SNX25: variants seen among roughly 807,000 people sequenced by gnomAD.
The protein encoded by SNX25 is sorting nexin 25, also known as sorting nexin-25.
A neutral mutation model predicts 113.7 loss-of-function variants in SNX25; 62 were observed. The ratio of observed to expected loss-of-function variants is 0.55; its 90% CI spans 0.44 to 0.67. The LOEUF is 0.67. Among genes scored for constraint, SNX25 ranks in the 30% least tolerant of loss-of-function variants. The pLI, the probability that SNX25 is intolerant of heterozygous loss-of-function variation, is 0.00. For missense variants in SNX25, 1,014 were observed against 1,161.0 expected (o/e 0.87, Z 1.84); for synonymous variants, 421 against 436.2 (o/e 0.97, Z 0.43).
At chr4:185,343,300 A>G (rs536996141) in intron 12 of SNX25, among the ~76,000 whole-genome samples, 1 of 152,358 alleles carries the variant, frequency 6.6e-6, no homozygotes, top group South Asian at 2.1e-4. Flanking sequence ...GAATATATGT[A>G]TATAAAGCAT....
rs1737450091 is a variant in SNX25, at chr4:185,209,782, C to T, written c.-45C>T. 1.0e-5 allele frequency: 10 copies of T among 983,564 alleles called. No individual in the cohort carries two copies. The highest frequency in any genetic ancestry group is 3.5e-5 in the African/African-American group (2 of 56,990). 60.9% of individuals were successfully genotyped at this position (983,564 alleles called of 1,614,324 possible). On this transcript the variant is annotated 5_prime_UTR_variant, in exon 1 of 19. Coordinates refer to ENST00000652585, the MANE Select transcript of SNX25 (RefSeq NM_001378034.2). This position sits in a 1 kb window ranked among gnomAD's most constrained non-coding sequence, Gnocchi z 5.2. ...TGCCTCCGGAGCGCCGGCGGGGGAC[C>T]GGGGGGCAGGAGATGTGCCTGTCCT...
Position 185,310,741 on chromosome 4 carries a change from A to C in SNX25, c.1269A>C (p.Arg423=). ...VAKKQCEKRI[R]ILGGPAYDQQ... is the part of the protein sequence containing the mutation. The stretch of plus-strand genomic sequence containing the variant: ...AGAAGCAGTGTGAGAAGAGAATCCG[A>C]ATCCTGGGAGGCCCTGCCTATGACC... The change falls in exon 7 of 19, where the codon CGA becomes CGC. Residue 423 remains arginine (R), a synonymous_variant. Transcript: ENST00000652585. The C allele has an allele frequency of 6.2e-7, 1 of 1,614,044 alleles. No homozygotes were observed. The highest frequency in any genetic ancestry group is 8.5e-7 in the Non-Finnish European group (1 of 1,179,950).
downstream of SNX25, among the ~76,000 whole-genome samples, chr4:185,374,954 T>C (rs1579983772): frequency 1.3e-5 from 2 of 152,140 alleles, no homozygotes; most frequent in Non-Finnish European, 2.9e-5. Context: ...ACAAATCTTA[T>C]GCACTAATAC....
At chr4:185,357,222 C>G (rs1347267550) in intron 15 of SNX25, among the ~76,000 whole-genome samples, 2 of 152,196 alleles carry the variant, frequency 1.3e-5, no homozygotes, top group East Asian at 3.8e-4. Flanking sequence ...CCGCTTCAAA[C>G]AGGAACAGTT....
chr4:185,245,230 C>T (rs765138261), intron 1 of SNX25, among the ~76,000 whole-genome samples: 15 of 132,614 alleles, frequency 1.1e-4, no homozygotes, highest in South Asian at 5.4e-4. Context: ...CTTTTGATTA[C>T]GGTGATATGT....
chr4:185,227,215 G>A (rs1262853926), intron 1 of SNX25, among the ~76,000 whole-genome samples: 3 of 152,244 alleles, frequency 2.0e-5, no homozygotes, highest in Admixed American at 6.5e-5. Context: ...TTTGTTACCC[G>A]TTGTTGGCAT....
In SNX25 at chr4:185,209,966, C is replaced by T. The variant is rs1401159385; in HGVS notation, c.140C>T (p.Ala47Val). The T allele has an allele frequency of 2.4e-5, 24 of 983,406 alleles. No homozygotes were observed. Among genetic ancestry groups the T allele is most frequent in the Non-Finnish European group, 2.7e-5 (22 of 829,140 alleles). 60.9% of individuals were successfully genotyped at this position (983,406 alleles called of 1,614,324 possible). A position where few individuals can be genotyped will look rare whatever the true frequency, so the allele number is the denominator to read the frequency against. ...GGGGACGCGGAGGCAGCAGCAGCGG[C>T]GGCGCCGGGGGCCCCGGGCGGCCGG... Reference protein sequence around the residue: ...SPGDAEAAAAAAPGAPGGRSW... With the variant: ...SPGDAEAAAAVAPGAPGGRSW... The change falls in exon 1 of 19, where the codon GCG becomes GTG. Residue 47 changes from alanine (A) to valine (V), a missense_variant. By Grantham distance (64) the Ala-to-Val change is moderately conservative. Transcript: ENST00000652585. This position sits in a 1 kb window ranked among gnomAD's most constrained non-coding sequence, Gnocchi z 5.2.
At chr4:185,332,477 T>C (rs1228247081) in intron 9 of SNX25, 118 bp from the exon 10 acceptor site, 15 of 974,136 alleles carry the variant, frequency 1.5e-5, no homozygotes, top group Non-Finnish European at 1.9e-5. Context: ...CTAAATTTTC[T>C]ACTTTAGTAT....
intron 13 of SNX25, 141 bp from the exon 14 acceptor site, chr4:185,351,304 G>T: frequency 1.3e-6 from 1 of 798,720 alleles, no homozygotes; most frequent in East Asian, 2.5e-5. Flanking sequence ...TTTGTTTCAG[G>T]GGGAAAGGGA....
chr4:185,221,362 A>G (rs1039561123), intron 1 of SNX25, among the ~76,000 whole-genome samples: 5 of 151,688 alleles, frequency 3.3e-5, no homozygotes, highest in Non-Finnish European at 1.5e-5. Context: ...TTTTCTAGAG[A>G]TGGAGTCTCT....
intron 7 of SNX25, among the ~76,000 whole-genome samples, chr4:185,318,234 TTAATTGCATTTGAATTCTAC>T (rs1380192107): frequency 6.6e-6 from 1 of 152,220 alleles, no homozygotes; most frequent in Non-Finnish European, 1.5e-5. Context: ...AAGTTTTTAT[TTAATTGCATTTGAATTCTAC>T]TAATTGCATG....
downstream of SNX25, chr4:185,370,966 T>A: frequency 1.4e-6 from 1 of 707,790 alleles, no homozygotes; most frequent in Non-Finnish European, 2.3e-6. Context: ...AGGGTCCATG[T>A]AGGCACCTCA....
In SNX25 at chr4:185,310,670, AG is replaced by A; in HGVS notation, c.1201del (p.Ala401ProfsTer4). ...TGCGGCAATGAAAGCTGATCTCCTGAGGGCCAGGAACATGAAGAGGTACATC... is the reference window on the plus strand; with the variant it reads ...TGCGGCAATGAAAGCTGATCTCCTGAGGCCAGGAACATGAAGAGGTACATC... ...ETAAMKADLL[R>X]ARNMKRYINQ... On this transcript the variant is annotated frameshift_variant, in exon 7 of 19. Transcript: ENST00000652585. LOFTEE classifies it high-confidence loss of function. 1 of 1,613,658 alleles carries A rather than the reference AG, an allele frequency of 6.2e-7. No individual in the cohort carries two copies. Among genetic ancestry groups the A allele is most frequent in the Non-Finnish European group, 8.5e-7 (1 of 1,179,834 alleles).
At chr4:185,294,331 G>A (rs556459646) in intron 6 of SNX25, among the ~76,000 whole-genome samples, 3 of 152,318 alleles carry the variant, frequency 2.0e-5, no homozygotes, top group African/African-American at 7.2e-5. Flanking sequence ...CTTGGTTCAA[G>A]TTCTCTTGTG....
intron 1 of SNX25, among the ~76,000 whole-genome samples, chr4:185,222,024 C>G (rs1334515407): frequency 4.0e-5 from 1 of 25,262 alleles, no homozygotes; most frequent in East Asian, 1.7e-3. Context: ...CCATATATCC[C>G]TCGTTCACTG....
At chr4:185,275,600 T>G (rs552387485) in intron 5 of SNX25, among the ~76,000 whole-genome samples, 12 of 152,234 alleles carry the variant, frequency 7.9e-5, no homozygotes, top group Non-Finnish European at 1.8e-4. Flanking sequence ...ATGAAAATTC[T>G]TAAAATAGCA....
chr4:185,322,060 G>C (rs2095124527), intron 8 of SNX25, among the ~76,000 whole-genome samples: 1 of 152,176 alleles, frequency 6.6e-6, no homozygotes, highest in South Asian at 2.1e-4. Flanking sequence ...GTATGTATAT[G>C]TCTGTAAATG....
chr4:185,256,163 A>G (rs1380998816), intron 2 of SNX25, among the ~76,000 whole-genome samples: 4 of 152,126 alleles, frequency 2.6e-5, no homozygotes, highest in African/African-American at 9.7e-5. Flanking sequence ...AGCCCTCTAT[A>G]CATTTTATTT....
intron 6 of SNX25, among the ~76,000 whole-genome samples, chr4:185,299,274 G>C (rs1475637852): frequency 6.6e-6 from 1 of 152,204 alleles, no homozygotes; most frequent in Non-Finnish European, 1.5e-5. Flanking sequence ...AGGTAGGTCA[G>C]ATGAGATCAT....
Sources: allele counts gnomAD v4.1 joint callset (sites outside exome capture counted in the v4.1 genomes callset), GRCh38; gene constraint gnomAD v4.1.1; non-coding constraint Gnocchi (gnomAD v3.1); transcripts MANE v1.5; gene names NCBI Gene and HGNC (gene_info 2026-07-23, HGNC 2026-07-21).